Variants in DOP1A observed in about 807,000 individuals in gnomAD.
The protein encoded by DOP1A is protein DOP1A.
Under a neutral mutation model 267.6 loss-of-function variants are expected in DOP1A, and 90 were observed. The ratio of observed to expected loss-of-function variants is 0.34; its 90% CI spans 0.28 to 0.40. The LOEUF is 0.40. DOP1A is among the 10% of genes least tolerant of loss of function. The pLI is 1.00. For synonymous variants in DOP1A, 932 were observed against 999.1 expected, an observed-to-expected ratio of 0.93 and a Z score of 1.27; for missense variants, 2,437 against 2,900.4, an observed-to-expected ratio of 0.84 and a Z score of 3.67.
chr6:83,120,857 A>G, intron 10 of DOP1A, 66 bp downstream of exon 10: 2 of 1,204,184 alleles, frequency 1.7e-6, no homozygotes, highest in East Asian at 4.9e-5. Flanking sequence ...GAAAATAAAA[A>G]GAGTCATCAG....
chr6:83,078,070 A>G (rs1489735112), intron 1 of DOP1A, among the ~76,000 whole-genome samples: 1 of 152,226 alleles, frequency 6.6e-6, no homozygotes, highest in East Asian at 1.9e-4. Context: ...GTATAATTTA[A>G]TAGAAAATTA....
intron 37 of DOP1A, among the ~76,000 whole-genome samples, chr6:83,161,746 T>C (rs778018754): frequency 1.3e-5 from 2 of 152,206 alleles, no homozygotes; most frequent in Non-Finnish European, 2.9e-5. Flanking sequence ...TACACTGATA[T>C]TGTCCAATTG....
At chr6:83,122,676 T>A (rs1776549047) in intron 11 of DOP1A, among the ~76,000 whole-genome samples, 187 bp from the exon 12 acceptor site, 1 of 151,968 alleles carries the variant, frequency 6.6e-6, no homozygotes, top group African/African-American at 2.4e-5. Flanking sequence ...AATTCAAATT[T>A]GAAAAAATAA....
intron 7 of DOP1A, among the ~76,000 whole-genome samples, chr6:83,116,430 A>G (rs1775444358): frequency 1.3e-5 from 2 of 152,314 alleles, no homozygotes; most frequent in African/African-American, 4.8e-5. Flanking sequence ...TACTATTGCC[A>G]CTGATCTCAT....
chr6:83,116,802 C>A (rs2128201130), intron 7 of DOP1A, among the ~76,000 whole-genome samples: 1 of 152,236 alleles, frequency 6.6e-6, no homozygotes, highest in East Asian at 1.9e-4. Context: ...CAGAGTGAGA[C>A]TCCAACTTAA....
intron 3 of DOP1A, among the ~76,000 whole-genome samples, chr6:83,098,546 T>C (rs1039657857): frequency 2.0e-5 from 3 of 152,158 alleles, no homozygotes; most frequent in African/African-American, 7.2e-5. Flanking sequence ...AGTTCCACAA[T>C]CCTTTCTTTA....
chr6:83,167,524 G>A, intron 38 of DOP1A: 4 of 1,020,452 alleles, frequency 3.9e-6, no homozygotes, highest in Non-Finnish European at 3.5e-6. Context: ...AGTAGTGAGG[G>A]TTCAGAAACC....
chr6:83,124,605 C>T (rs569815344), intron 12 of DOP1A, 100 bp from the exon 13 acceptor site: 108 of 864,266 alleles, frequency 1.2e-4, no homozygotes, highest in Non-Finnish European at 1.9e-4. Context: ...CTGTGTGTGA[C>T]CCAATATTGA....
At chr6:83,154,331 C>G in intron 33 of DOP1A, 90 bp downstream of exon 33, 2 of 1,195,484 alleles carry the variant, frequency 1.7e-6, no homozygotes, top group Non-Finnish European at 2.4e-6. Context: ...GACTAGGAGA[C>G]TACTGAATTA....
At chr6:83,127,276 A>G (rs646238) in intron 15 of DOP1A, among the ~76,000 whole-genome samples, 32,851 of 152,072 alleles carry the variant, frequency 0.22, 3,659 homozygotes, top group Non-Finnish European at 0.24. Flanking sequence ...GCTTTAAACT[A>G]TAAACTAAAT....
intron 27 of DOP1A, among the ~76,000 whole-genome samples, chr6:83,150,390 C>CTACAATATTTTACTG (rs11273214): frequency 1.4e-4 from 22 of 152,102 alleles, no homozygotes; most frequent in African/African-American, 5.3e-4. Flanking sequence ...AGCTGTTCCC[C>CTACAATATTTTACTG]TTTCCTTACA....
intron 13 of DOP1A, 78 bp downstream of exon 13, chr6:83,124,897 C>T: frequency 8.8e-7 from 1 of 1,139,498 alleles, no homozygotes. Flanking sequence ...GGCAAGCCTT[C>T]AGATACATTT....
Position 83,153,594 on chromosome 6 carries a change from T to C in DOP1A, c.6213T>C (p.Tyr2071=). Residue 2071 remains tyrosine, a synonymous_variant, in exon 31 of 39, where the codon TAT becomes TAC. Transcript: ENST00000349129. ...VIPLLVNIMH[Y]VVPYLRNHSA... is the part of the protein sequence containing the mutation. ...CTTTACTTGTAAATATTATGCATTA[T>C]GTTGTGCCCTACCTCAGAAATCACA... 1.2e-6 allele frequency: 2 copies of C among 1,604,860 alleles called. No homozygotes were observed. Among genetic ancestry groups the C allele is most frequent in the Non-Finnish European group, 1.7e-6 (2 of 1,176,136 alleles).
At chr6:83,153,481 T>C (rs769788772) in intron 30 of DOP1A, 30 bp from the exon 31 acceptor site, 9 of 1,473,788 alleles carry the variant, frequency 6.1e-6, no homozygotes, top group Non-Finnish European at 8.4e-6. Flanking sequence ...TCACCTCATA[T>C]GTTACTCTTC....
chr6:83,091,487 T>TA (rs965281376), intron 1 of DOP1A, among the ~76,000 whole-genome samples: 2 of 151,932 alleles, frequency 1.3e-5, no homozygotes, highest in Admixed American at 6.6e-5. Context: ...ATTTATTGCC[T>TA]AAAAAAAAGT....
chr6:83,140,877 T>A (rs1779532741), intron 23 of DOP1A, among the ~76,000 whole-genome samples: 5 of 152,214 alleles, frequency 3.3e-5, no homozygotes, highest in Admixed American at 2.6e-4. Context: ...TCCTTTTTTT[T>A]TTAGGGCATT....
At chr6:83,140,476 G>A (rs992009355) in intron 23 of DOP1A, 73 bp downstream of exon 23, 3 of 1,212,254 alleles carry the variant, frequency 2.5e-6, no homozygotes, top group African/African-American at 3.0e-5. Context: ...TTCAGAATAT[G>A]TGAATAATTT....
chr6:83,111,798 T>A (rs998429528), intron 6 of DOP1A, among the ~76,000 whole-genome samples: 1 of 152,186 alleles, frequency 6.6e-6, no homozygotes, highest in African/African-American at 2.4e-5. Flanking sequence ...GATTTGAAAA[T>A]ATTTTCCCCC....
intron 1 of DOP1A, among the ~76,000 whole-genome samples, chr6:83,085,968 G>A (rs1388516367): frequency 2.6e-5 from 4 of 152,184 alleles, no homozygotes; most frequent in Admixed American, 2.6e-4. Flanking sequence ...TCAGTGGTGT[G>A]CTGGAGTGGG....
Sources: gnomAD v4.1 joint callset for allele counts (sites outside exome capture counted in the v4.1 genomes callset) on GRCh38, gnomAD v4.1.1 for gene constraint, MANE v1.5 for transcripts, NCBI Gene and HGNC (gene_info 2026-07-23, HGNC 2026-07-21) for gene names.